TRIB2: variants seen among roughly 807,000 people sequenced by gnomAD.
TRIB2 encodes the protein tribbles homolog 2.
Under a neutral mutation model 26.8 loss-of-function variants are expected in TRIB2, and 2 were observed. The observed-to-expected ratio is 0.07, with a 90% CI of 0.03 to 0.24. The LOEUF is 0.24. Among genes scored for constraint, TRIB2 ranks in the 10% least tolerant of loss-of-function variants. The pLI is 1.00. For synonymous variants in TRIB2, 189 were observed against 187.3 expected, an observed-to-expected ratio of 1.01 and a Z score of -0.08; for missense variants, 306 against 449.0, an observed-to-expected ratio of 0.68 and a Z score of 2.88.
At chr2:12,723,138 G>C in intron 1 of TRIB2, 122 bp from the exon 2 acceptor site, 1 of 1,142,408 alleles carries the variant, frequency 8.8e-7, no homozygotes, top group Non-Finnish European at 1.2e-6. Context: ...TGTGGTCTGG[G>C]TCCAAGTTCA....
In TRIB2 at chr2:12,740,857, T is replaced by C. The variant is rs1022387551; in HGVS notation, c.*63T>C. On this transcript the variant is annotated 3_prime_UTR_variant, in exon 3 of 3. Transcript: ENST00000155926. This position sits in a 1 kb window ranked among gnomAD's most constrained non-coding sequence, Gnocchi z 5.8. ...GAGCGAGGGCAGCGGAAAGGAGTTCTTCCGGGGGACACGAATTGCCTGGCT... is the reference window on the plus strand; with the variant it reads ...GAGCGAGGGCAGCGGAAAGGAGTTCCTCCGGGGGACACGAATTGCCTGGCT... The C allele has an allele frequency of 3.4e-6, 5 of 1,458,332 alleles. No homozygotes were observed. The Admixed American group carries it at 7.7e-5, about 23-fold the overall frequency. The allele number at this position is 1,458,332 out of a possible 1,614,324, so 90.3% of individuals were successfully genotyped here. A position where few individuals can be genotyped will look rare whatever the true frequency, so the allele number is the denominator to read the frequency against.
At chr2:12,719,572 GACTGT>G (rs1310044055) in intron 1 of TRIB2, among the ~76,000 whole-genome samples, 49 of 120,526 alleles carry the variant, frequency 4.1e-4, no homozygotes, top group South Asian at 2.2e-3. Context: ...TAGATTTGCT[GACTGT>G]TTTTTTTTTT....
At chr2:12,728,849 C>T (rs995808494) in intron 2 of TRIB2, among the ~76,000 whole-genome samples, 36 of 152,262 alleles carry the variant, frequency 2.4e-4, no homozygotes, top group African/African-American at 8.4e-4. Flanking sequence ...TCTTTCTCAG[C>T]TCTTAGTATC....
At position 12,742,164 on chromosome 2, in the gene TRIB2, CA is replaced by C. The variant is rs1661723187; in HGVS notation, c.*1374del. On this transcript the variant is annotated 3_prime_UTR_variant, in exon 3 of 3. Transcript: ENST00000155926. ...GATAGCTTTATTTGATTTCGAGTGGCAAAATGTTTTTTATTACGGCTTTTCT... is the reference window on the plus strand; with the variant it reads ...GATAGCTTTATTTGATTTCGAGTGGCAAATGTTTTTTATTACGGCTTTTCT... 6.6e-6 allele frequency: 1 copy of C among 152,604 alleles called. No individual in the cohort carries two copies. Among genetic ancestry groups the C allele is most frequent in the African/African-American group, 2.4e-5 (1 of 41,434 alleles). 9.5% of individuals were successfully genotyped at this position (152,604 alleles called of 1,614,324 possible). A position where few individuals can be genotyped will look rare whatever the true frequency, so the allele number is the denominator to read the frequency against.
Position 12,717,613 on chromosome 2 carries a change from T to TTTTG in TRIB2, c.-683_-680dup, listed in dbSNP as rs1057474007. 3.0e-5 allele frequency: 12 copies of TTTTG among 397,202 alleles called. No homozygotes were observed. In the East Asian group the frequency reaches 3.9e-4, roughly 13 times the overall value. The allele number at this position is 397,202 out of a possible 1,614,324, so 24.6% of individuals were successfully genotyped here. On this transcript the variant is annotated 5_prime_UTR_variant, in exon 1 of 3. The change abolishes the stop of an existing upstream ORF in the 5' untranslated region. Transcript: ENST00000155926. The surrounding 1 kb of genome is among the most constrained non-coding windows in gnomAD (Gnocchi z 4.8). ...AATGCTCCCTTGCAATTTTTCTTTT[T>TTTTG]TTTGTTTGTTTGTTTAATTTTTGGA...
At chr2:12,739,428 T>C (rs1374552436) in intron 2 of TRIB2, among the ~76,000 whole-genome samples, 1 of 152,014 alleles carries the variant, frequency 6.6e-6, no homozygotes, top group Non-Finnish European at 1.5e-5. Flanking sequence ...CTCTGCTAAT[T>C]ATCGTATTTT....
At chr2:12,722,927 G>T (rs1331489160) in intron 1 of TRIB2, among the ~76,000 whole-genome samples, 1 of 152,000 alleles carries the variant, frequency 6.6e-6, no homozygotes, top group Non-Finnish European at 1.5e-5. Flanking sequence ...CACGCAATTG[G>T]GCTAGAGACA....
chr2:12,737,989 C>A (rs970594964), intron 2 of TRIB2, among the ~76,000 whole-genome samples: 1 of 152,196 alleles, frequency 6.6e-6, no homozygotes, highest in Non-Finnish European at 1.5e-5. Flanking sequence ...TAGCTCTTAG[C>A]CCAGTGCCTT....
At position 12,741,652 on chromosome 2, in the gene TRIB2, T is replaced by A. The variant is rs1057001; in HGVS notation, c.*858T>A. The A allele has an allele frequency of 0.45, 67,984 of 152,286 alleles. 16,191 individuals carry two copies. Among genetic ancestry groups the A allele is most frequent in the East Asian group, 0.83 (4,303 of 5,174 alleles). 9.4% of individuals were successfully genotyped at this position (152,286 alleles called of 1,614,324 possible). ...GGGTTTGTGTGACAGGCATTCCTCT[T>A]TGCTGAGATGATAGCAATGGCCTGA... On this transcript the variant is annotated 3_prime_UTR_variant, in exon 3 of 3. Transcript: ENST00000155926.
intron 1 of TRIB2, 76 bp from the exon 2 acceptor site, chr2:12,723,184 G>A (rs1661262828): frequency 2.0e-6 from 3 of 1,486,284 alleles, no homozygotes; most frequent in Non-Finnish European, 2.7e-6. Context: ...CCATACCTGT[G>A]GGAGGTGCAG....
chr2:12,724,805 TG>T, intron 2 of TRIB2: 1 of 1,612,392 alleles, frequency 6.2e-7, no homozygotes, highest in South Asian at 1.1e-5. Flanking sequence ...AATAATAAAT[TG>T]GTGTATGTGC....
chr2:12,740,800 T>A lies in TRIB2; in HGVS notation c.*6T>A. On this transcript the variant is annotated 3_prime_UTR_variant, in exon 3 of 3. Coordinates refer to ENST00000155926, the MANE Select transcript of TRIB2 (RefSeq NM_021643.4). This position sits in a 1 kb window ranked among gnomAD's most constrained non-coding sequence, Gnocchi z 5.8. ...TGGACCCTTTCTTTAACTGAGCTCA[T>A]GCCCCACGGAGACTTAGCAGGTTCC... 6.6e-7 allele frequency: 1 copy of A among 1,524,764 alleles called. No individual in the cohort carries two copies. The allele number at this position is 1,524,764 out of a possible 1,614,324, so 94.5% of individuals were successfully genotyped here.
chr2:12,734,178 T>A (rs534381805), intron 2 of TRIB2, among the ~76,000 whole-genome samples: 1 of 152,230 alleles, frequency 6.6e-6, no homozygotes, highest in East Asian at 1.9e-4. Flanking sequence ...GGCTGGTGGC[T>A]GGCAGGGAGA....
chr2:12,739,553 G>C (rs2103260581), intron 2 of TRIB2, among the ~76,000 whole-genome samples: 1 of 152,298 alleles, frequency 6.6e-6, no homozygotes, highest in South Asian at 2.1e-4. Flanking sequence ...AGGGAAAGAA[G>C]ATGGTCTTGA....
chr2:12,717,565 G>T lies in TRIB2; in HGVS notation c.-743G>T. ...GCCCAGCTTTTGCAATCTTTTGTTG[G>T]CAGCGCTGACCGCACCAAGTTAAAT... On this transcript the variant is annotated 5_prime_UTR_variant, in exon 1 of 3. Coordinates refer to ENST00000155926, the MANE Select transcript of TRIB2 (RefSeq NM_021643.4). This position sits in a 1 kb window ranked among gnomAD's most constrained non-coding sequence, Gnocchi z 4.8. The T allele has an allele frequency of 2.5e-6, 1 of 398,194 alleles. No homozygotes were observed. Among genetic ancestry groups the T allele is most frequent in the Non-Finnish European group, 4.4e-6 (1 of 225,784 alleles). The allele number at this position is 398,194 out of a possible 1,614,324, so 24.7% of individuals were successfully genotyped here.
At chr2:12,722,321 G>C (rs549173973) in intron 1 of TRIB2, among the ~76,000 whole-genome samples, 2 of 152,168 alleles carry the variant, frequency 1.3e-5, no homozygotes, top group Non-Finnish European at 2.9e-5. Flanking sequence ...CCTGGCTCAC[G>C]CACACACTGA....
chr2:12,736,121 G>A (rs1217977024), intron 2 of TRIB2, among the ~76,000 whole-genome samples: 2 of 152,240 alleles, frequency 1.3e-5, no homozygotes, highest in Non-Finnish European at 1.5e-5. Context: ...GCAGGAGGAG[G>A]TGAAGGAGAA....
At position 12,741,349 on chromosome 2, in the gene TRIB2, G is replaced by A. The variant is rs1661708378; in HGVS notation, c.*555G>A. 1 of 154,144 alleles carries A rather than the reference G, an allele frequency of 6.5e-6. No individual in the cohort carries two copies. The highest frequency in any genetic ancestry group is 2.4e-5 in the African/African-American group (1 of 41,430). 9.5% of individuals were successfully genotyped at this position (154,144 alleles called of 1,614,324 possible). The stretch of plus-strand genomic sequence containing the variant: ...AAAAGAAAACAAAAGTCCAGTTTGT[G>A]TCTCTTAATCGCTCACTTCAACTCA... On this transcript the variant is annotated 3_prime_UTR_variant, in exon 3 of 3. Coordinates refer to ENST00000155926, the MANE Select transcript of TRIB2 (RefSeq NM_021643.4).
chr2:12,718,162 T>C lies in TRIB2; in HGVS notation c.-146T>C, dbSNP rs889491288. The C allele has an allele frequency of 5.2e-6, 6 of 1,163,410 alleles. No individual in the cohort carries two copies. The highest frequency in any genetic ancestry group is 7.0e-6 in the Non-Finnish European group (6 of 851,926). 72.1% of individuals were successfully genotyped at this position (1,163,410 alleles called of 1,614,324 possible). A position where few individuals can be genotyped will look rare whatever the true frequency, so the allele number is the denominator to read the frequency against. ...CGGCGCCCATTTGGGGGCTTCTAAC[T>C]CTTTCTCCACGCAGCCCCTCTTCTG... On this transcript the variant is annotated 5_prime_UTR_variant, in exon 1 of 3. Transcript: ENST00000155926. The surrounding 1 kb of genome is among the most constrained non-coding windows in gnomAD (Gnocchi z 4.0).
Sources: allele counts gnomAD v4.1 joint callset (sites outside exome capture counted in the v4.1 genomes callset), GRCh38; gene constraint gnomAD v4.1.1; non-coding constraint Gnocchi (gnomAD v3.1); transcripts MANE v1.5; gene names NCBI Gene and HGNC (gene_info 2026-07-23, HGNC 2026-07-21).